The following MKRN1 variants were observed in gnomAD, a reference collection of about 807,000 sequenced individuals.
MKRN1 encodes makorin ring finger protein 1.
A neutral mutation model predicts 55.5 loss-of-function variants in MKRN1; 9 were observed. That is an observed-to-expected ratio of 0.16 (90% confidence interval 0.10 to 0.28). The LOEUF (loss-of-function observed/expected upper bound fraction) is 0.28, where lower values mean the gene tolerates loss of function less well. Ranked by LOEUF, MKRN1 falls within the 10% of genes least tolerant of loss-of-function variation. The probability of loss-of-function intolerance (pLI) is 1.00; values close to 1 mark genes in which losing one functional copy is unlikely to be tolerated. For missense variants in MKRN1, 488 were observed against 626.7 expected (o/e 0.78, Z 2.36); for synonymous variants, 253 against 235.9 (o/e 1.07, Z -0.66).
intron 2 of MKRN1, among the ~76,000 whole-genome samples, chr7:140,467,566 A>G (rs963011640): frequency 1.3e-5 from 2 of 152,094 alleles, no homozygotes; most frequent in Non-Finnish European, 2.9e-5. Flanking sequence ...GGTATGAGCC[A>G]CTGTGCCCAG....
At chr7:140,472,166 T>A in intron 1 of MKRN1, 155 bp from the exon 2 acceptor site, 1 of 1,050,246 alleles carries the variant, frequency 9.5e-7, no homozygotes, top group Non-Finnish European at 1.3e-6. Context: ...ATGCCTGTAA[T>A]CCCAGTACCT....
chr7:140,473,226 A>AC (rs1794988366), intron 1 of MKRN1: 2 of 429,660 alleles, frequency 4.7e-6, no homozygotes, highest in African/African-American at 2.1e-5. Context: ...AAAAAAAAAA[A>AC]ACATCATCCA....
chr7:140,464,516 A>G (rs796314474), intron 2 of MKRN1, among the ~76,000 whole-genome samples: 3 of 152,198 alleles, frequency 2.0e-5, no homozygotes, highest in African/African-American at 7.2e-5. Flanking sequence ...CAGCCTGATC[A>G]ACATGGAGAA....
At chr7:140,461,808 A>AC (rs1156400480) in intron 2 of MKRN1, among the ~76,000 whole-genome samples, 1 of 151,384 alleles carries the variant, frequency 6.6e-6, no homozygotes, top group Non-Finnish European at 1.5e-5. Flanking sequence ...CCATGGAGAA[A>AC]CCCCGTCTCT....
At chr7:140,466,665 G>A (rs948660839) in intron 2 of MKRN1, among the ~76,000 whole-genome samples, 9 of 151,960 alleles carry the variant, frequency 5.9e-5, no homozygotes, top group South Asian at 2.1e-4. Context: ...TTAGCCGGGC[G>A]CGGTGGCGGG....
chr7:140,458,336 AACGGCTAC>A (rs1415392156), intron 4 of MKRN1, among the ~76,000 whole-genome samples: 1 of 152,214 alleles, frequency 6.6e-6, no homozygotes, highest in Non-Finnish European at 1.5e-5. Flanking sequence ...CAAAACTAAG[AACGGCTAC>A]ACGCAACCAC....
chr7:140,477,703 C>T (rs1396494016), intron 1 of MKRN1, among the ~76,000 whole-genome samples: 1 of 152,200 alleles, frequency 6.6e-6, no homozygotes, highest in Non-Finnish European at 1.5e-5. Flanking sequence ...GGCGATCCGC[C>T]CGCCTCAGCC....
intron 2 of MKRN1, among the ~76,000 whole-genome samples, chr7:140,461,227 T>C (rs1794606592): frequency 6.6e-6 from 1 of 152,196 alleles, no homozygotes; most frequent in African/African-American, 2.4e-5. Flanking sequence ...TCTAAGAAAA[T>C]CCATCCATTC....
rs1794939467 is a variant in MKRN1 at position 140,471,941 on chromosome 7, A to T, written c.256T>A (p.Tyr86Asn). 6.2e-7 allele frequency: 1 copy of T among 1,614,038 alleles called. No homozygotes were observed. ...RYSHDLSDSP[Y>N]SVVCKYFQRG... Reference sequence around the variant, plus strand: ...TGAAAATACTTGCACACTACACTATACGGACTGTCAGAGAGGTCATGCGAG... The same window carrying T: ...TGAAAATACTTGCACACTACACTATTCGGACTGTCAGAGAGGTCATGCGAG... The change falls in exon 2 of 8, where the codon TAT (tyrosine) becomes AAT (asparagine). Residue 86 changes from tyrosine (Y) to asparagine (N), a missense_variant. Tyr to Asn is a moderately radical substitution (Grantham distance 143). Coordinates refer to ENST00000255977, the MANE Select transcript of MKRN1 (RefSeq NM_013446.4).
chr7:140,477,833 A>C (rs964616838), intron 1 of MKRN1, among the ~76,000 whole-genome samples: 2 of 152,244 alleles, frequency 1.3e-5, no homozygotes, highest in African/African-American at 4.8e-5. Flanking sequence ...GCATTGTAAA[A>C]GGGAAACAGA....
intron 2 of MKRN1, among the ~76,000 whole-genome samples, chr7:140,460,706 T>C (rs905543449): frequency 9.9e-5 from 15 of 152,186 alleles, no homozygotes; most frequent in African/African-American, 3.4e-4. Flanking sequence ...ATACCATGTG[T>C]GATGCCAAGA....
chr7:140,473,210 C>CAAAAAAAAAAAAA, intron 1 of MKRN1: 1 of 370,058 alleles, frequency 2.7e-6, no homozygotes, highest in East Asian at 8.1e-5. Flanking sequence ...ATGATACCAC[C>CAAAAAAAAAAAAA]AAAAAAAAAA....
chr7:140,474,171 G>A (rs1163684801), intron 1 of MKRN1, among the ~76,000 whole-genome samples: 1 of 151,700 alleles, frequency 6.6e-6, no homozygotes, highest in Non-Finnish European at 1.5e-5. Flanking sequence ...AAACCAGCAT[G>A]GCCAACATGG....
chr7:140,473,950 T>A (rs1362988685), intron 1 of MKRN1: 1 of 141,302 alleles, frequency 7.1e-6, no homozygotes, highest in South Asian at 2.2e-4. Flanking sequence ...CAAGATTGTA[T>A]CACTGCACTC....
chr7:140,466,666 C>T (rs1285661625), intron 2 of MKRN1, among the ~76,000 whole-genome samples: 4 of 151,720 alleles, frequency 2.6e-5, no homozygotes, highest in Middle Eastern at 3.4e-3. Context: ...TAGCCGGGCG[C>T]GGTGGCGGGC....
At chr7:140,475,539 C>T (rs925390930) in intron 1 of MKRN1, among the ~76,000 whole-genome samples, 3 of 152,002 alleles carry the variant, frequency 2.0e-5, no homozygotes, top group Non-Finnish European at 4.4e-5. Context: ...TGGCACGTGC[C>T]TGTAATTCCA....
intron 2 of MKRN1, among the ~76,000 whole-genome samples, chr7:140,463,499 C>T (rs181719032): frequency 1.4e-4 from 21 of 152,278 alleles, no homozygotes; most frequent in Non-Finnish European, 2.6e-4. Flanking sequence ...TAGAAGCTAC[C>T]GTTAGATAGC....
At chr7:140,474,987 A>G (rs539717327) in intron 1 of MKRN1, among the ~76,000 whole-genome samples, 99 of 151,904 alleles carry the variant, frequency 6.5e-4, no homozygotes, top group Admixed American at 3.7e-3. Flanking sequence ...CCAAAGTACT[A>G]GAATTACAGG....
intron 2 of MKRN1, among the ~76,000 whole-genome samples, chr7:140,466,840 A>G (rs1274814511): frequency 6.6e-6 from 1 of 151,540 alleles, no homozygotes; most frequent in Non-Finnish European, 1.5e-5. Flanking sequence ...AAAAGAATAA[A>G]AAAACTTAGC....
Sources: allele counts gnomAD v4.1 joint callset (sites outside exome capture counted in the v4.1 genomes callset), GRCh38; gene constraint gnomAD v4.1.1; transcripts MANE v1.5; gene names NCBI Gene and HGNC (gene_info 2026-07-23, HGNC 2026-07-21).